HS6ST2: variants seen among roughly 807,000 people sequenced by gnomAD.
The protein encoded by HS6ST2 is heparan-sulfate 6-O-sulfotransferase 2.
In HS6ST2, 17 loss-of-function variants were observed where a neutral mutation model predicts 33.0. The observed-to-expected ratio is 0.52, with a 90% CI of 0.35 to 0.77. The LOEUF (loss-of-function observed/expected upper bound fraction) is 0.77, where lower values mean the gene tolerates loss of function less well. HS6ST2 is among the 30% of genes least tolerant of loss of function. HS6ST2 has a pLI of 0.01. For synonymous variants in HS6ST2, 248 were observed against 237.1 expected (o/e 1.05, Z -0.42); for missense variants, 519 against 551.7 (o/e 0.94, Z 0.59).
At position 132,939,671 on chromosome X, in the gene HS6ST2, T is replaced by A. The variant is rs1470828109; in HGVS notation, c.947+17137A>T. ...CTTTTTATATAGTAGCAATGAACAA[T>A]CCAAAAATGAAAAAAATTCAATTTA... is the stretch of plus-strand genomic sequence containing the variant. On this transcript the variant is annotated intron_variant, in intron 2 of 4. Transcript: ENST00000370833. 2.7e-5 allele frequency among the ~76,000 whole-genome samples: 3 copies of A among 110,620 alleles called. No individual in the cohort carries two copies. In the Admixed American group the frequency reaches 2.9e-4, roughly 11 times the overall value.
chrX:132,687,426 G>T (rs149911195), intron 3 of HS6ST2, among the ~76,000 whole-genome samples: 1 of 110,787 alleles, frequency 9.0e-6, no homozygotes. Context: ...CTTAATGAAG[G>T]CTCTTGCTGG....
At chrX:132,919,076 C>T (rs1167948729) in intron 2 of HS6ST2, among the ~76,000 whole-genome samples, 1 of 111,964 alleles carries the variant, frequency 8.9e-6, no homozygotes, top group Non-Finnish European at 1.9e-5. Context: ...GGCAGAGAGT[C>T]TTTAATGAGA....
At chrX:132,795,645 C>T (rs1177676809) in intron 2 of HS6ST2, among the ~76,000 whole-genome samples, 1 of 111,306 alleles carries the variant, frequency 9.0e-6, no homozygotes, top group African/African-American at 3.3e-5. Flanking sequence ...TCACTGTGTC[C>T]CTCAGGCTGG....
chrX:132,881,136 A>G (rs2066167660), intron 2 of HS6ST2, among the ~76,000 whole-genome samples: 1 of 111,389 alleles, frequency 9.0e-6, no homozygotes. Context: ...CTTTGGGTAT[A>G]TACCCAGTAA....
At chrX:132,651,967 C>G (rs1256860505) in intron 4 of HS6ST2, among the ~76,000 whole-genome samples, 1 of 112,074 alleles carries the variant, frequency 8.9e-6, no homozygotes, top group Non-Finnish European at 1.9e-5. Context: ...GATTCCAAAC[C>G]TGTTATGCGC....
At chrX:132,809,248 G>A (rs745474398) in intron 2 of HS6ST2, among the ~76,000 whole-genome samples, 13 of 111,744 alleles carry the variant, frequency 1.2e-4, no homozygotes, top group East Asian at 5.6e-4. Context: ...CTCAGCCTCC[G>A]AAAGTGCTGG....
At chrX:132,738,115 C>T (rs1278019415) in intron 2 of HS6ST2, among the ~76,000 whole-genome samples, 1 of 112,609 alleles carries the variant, frequency 8.9e-6, no homozygotes, top group Non-Finnish European at 1.9e-5. Flanking sequence ...AAGAGTCAGC[C>T]TATCCTGTCT....
At chrX:132,772,831 A>C (rs1318459085) in intron 2 of HS6ST2, among the ~76,000 whole-genome samples, 1 of 90,519 alleles carries the variant, frequency 1.1e-5, no homozygotes, top group Admixed American at 1.5e-4. Flanking sequence ...TATATATTCT[A>C]TAATATAAAA....
intron 2 of HS6ST2, among the ~76,000 whole-genome samples, chrX:132,893,837 A>G (rs1229316794): frequency 9.0e-6 from 1 of 111,531 alleles, no homozygotes. Flanking sequence ...CACAATCCTG[A>G]GCCTAATTTC....
chrX:132,634,766 A>G (rs965013695), intron 4 of HS6ST2, among the ~76,000 whole-genome samples: 1 of 112,035 alleles, frequency 8.9e-6, no homozygotes, highest in Non-Finnish European at 1.9e-5. Context: ...TGCCTGGGAC[A>G]GCCCAGCCTT....
At chrX:132,722,495 T>G (rs375826841) in intron 2 of HS6ST2, among the ~76,000 whole-genome samples, 31 of 111,979 alleles carry the variant, frequency 2.8e-4, no homozygotes, top group East Asian at 1.7e-3. Flanking sequence ...TCAGGTAATT[T>G]TTAAAATAAA....
At chrX:132,900,268 A>G (rs1569502536) in intron 2 of HS6ST2, among the ~76,000 whole-genome samples, 1 of 111,852 alleles carries the variant, frequency 8.9e-6, no homozygotes, top group Non-Finnish European at 1.9e-5. Flanking sequence ...ACTATAAGAA[A>G]TAATAAAGTT....
chrX:132,912,492 G>A (rs1253152882), intron 2 of HS6ST2, among the ~76,000 whole-genome samples: 10 of 112,742 alleles, frequency 8.9e-5, no homozygotes, highest in Admixed American at 7.5e-4. Flanking sequence ...AGCTAGAAAG[G>A]TATTTTATAA....
intron 4 of HS6ST2, among the ~76,000 whole-genome samples, chrX:132,659,808 A>G (rs1410548233): frequency 1.8e-5 from 2 of 111,881 alleles, no homozygotes; most frequent in African/African-American, 6.5e-5. Flanking sequence ...CCCTTACTTT[A>G]TAGGCCTATT....
intron 2 of HS6ST2, among the ~76,000 whole-genome samples, chrX:132,889,043 G>A (rs1387524297): frequency 1.8e-5 from 2 of 110,603 alleles, no homozygotes; most frequent in African/African-American, 6.6e-5. Context: ...AATCATACAG[G>A]CAGCAAGTAG....
intron 2 of HS6ST2, among the ~76,000 whole-genome samples, chrX:132,865,952 T>G (rs1350146607): frequency 8.9e-6 from 1 of 112,106 alleles, no homozygotes; most frequent in East Asian, 2.8e-4. Context: ...TGATGGTAAT[T>G]TCTTTTTCTG....
At chrX:132,848,101 C>A (rs989058287) in intron 2 of HS6ST2, among the ~76,000 whole-genome samples, 3 of 111,887 alleles carry the variant, frequency 2.7e-5, no homozygotes, top group Non-Finnish European at 5.6e-5. Context: ...AGTAAGTAAA[C>A]GGAATGCTGC....
At chrX:132,755,557 T>C (rs2064750653) in intron 2 of HS6ST2, among the ~76,000 whole-genome samples, 1 of 111,537 alleles carries the variant, frequency 9.0e-6, no homozygotes, top group South Asian at 3.8e-4. Flanking sequence ...TGCCTGATTC[T>C]GTATATAAAG....
intron 2 of HS6ST2, among the ~76,000 whole-genome samples, chrX:132,943,948 C>T (rs2066913995): frequency 9.0e-6 from 1 of 111,374 alleles, no homozygotes; most frequent in Non-Finnish European, 1.9e-5. Context: ...AAAACTGGCA[C>T]AAGACAGGGA....
Sources: allele counts gnomAD v4.1 joint callset (sites outside exome capture counted in the v4.1 genomes callset), GRCh38; gene constraint gnomAD v4.1.1; transcripts MANE v1.5; gene names NCBI Gene and HGNC (gene_info 2026-07-23, HGNC 2026-07-21).